Variants in RPGRIP1L observed in about 807,000 individuals in gnomAD.
The protein encoded by RPGRIP1L is RPGRIP1 like.
RPGRIP1L carries 131 observed loss-of-function variants against 160.4 expected under a neutral mutation model. The ratio of observed to expected loss-of-function variants is 0.82; its 90% CI spans 0.71 to 0.94. The LOEUF is 0.94. Ranked by LOEUF, RPGRIP1L falls within the 40% of genes least tolerant of loss-of-function variation. The pLI, the probability that RPGRIP1L is intolerant of heterozygous loss-of-function variation, is 0.00. For synonymous variants in RPGRIP1L, 510 were observed against 515.8 expected (o/e 0.99, Z 0.15); for missense variants, 1,522 against 1,535.8 (o/e 0.99, Z 0.15).
Position 53,686,504 on chromosome 16 carries a change from C to T in RPGRIP1L, c.705G>A (p.Gln235=), listed in dbSNP as rs752815435. The T allele has an allele frequency of 1.9e-6, 3 of 1,613,676 alleles. No individual in the cohort carries two copies. The highest frequency in any genetic ancestry group is 2.5e-6 in the Non-Finnish European group (3 of 1,179,750). Reference sequence around the variant, plus strand: ...CAATTTCATTTTCTTTTCTCCTCAACTGAGTTTTCAGGATCTCAGCCAAGT... The same window carrying T: ...CAATTTCATTTTCTTTTCTCCTCAATTGAGTTTTCAGGATCTCAGCCAAGT... The part of the protein sequence containing the change: ...LEHLAEILKT[Q]LRRKENEIEL... Residue 235 remains glutamine, a synonymous_variant, in exon 6 of 27, where the codon CAG becomes CAA. Transcript: ENST00000647211.
intron 23 of RPGRIP1L, among the ~76,000 whole-genome samples, chr16:53,620,250 T>G (rs1964622357): frequency 6.6e-6 from 1 of 152,302 alleles, no homozygotes; most frequent in Admixed American, 6.5e-5. Context: ...TTGAAAAGCA[T>G]AAGTATCCTA....
intron 22 of RPGRIP1L, among the ~76,000 whole-genome samples, chr16:53,627,884 T>C (rs1364196707): frequency 6.6e-6 from 1 of 152,232 alleles, no homozygotes; most frequent in Non-Finnish European, 1.5e-5. Context: ...AATTATGTTG[T>C]TTACCATTTT....
intron 22 of RPGRIP1L, among the ~76,000 whole-genome samples, chr16:53,630,688 TAGG>T (rs1161076049): frequency 1.3e-5 from 2 of 152,190 alleles, no homozygotes; most frequent in African/African-American, 4.8e-5. Context: ...CAATTTCTAC[TAGG>T]AGAGTATGTC....
At chr16:53,639,273 A>T (rs1170504191) in intron 19 of RPGRIP1L, among the ~76,000 whole-genome samples, 1 of 151,968 alleles carries the variant, frequency 6.6e-6, no homozygotes, top group African/African-American at 2.4e-5. Flanking sequence ...CTCAATGGTA[A>T]TACCTATTAA....
chr16:53,687,853 G>T lies in RPGRIP1L; in HGVS notation c.632+10C>A, dbSNP rs777433512. The stretch of plus-strand genomic sequence containing the variant: ...AAAGTTCTCAAATTACCACAAAAAA[G>T]AACACATACAAATTTCTTATTTCTC... On this transcript the variant is annotated intron_variant, in intron 5 of 26. Transcript: ENST00000647211. The T allele has an allele frequency of 2.0e-6, 3 of 1,511,236 alleles. No individual in the cohort carries two copies. The highest frequency in any genetic ancestry group is 1.7e-4 in the Middle Eastern group (1 of 5,794). The allele number at this position is 1,511,236 out of a possible 1,614,324, so 93.6% of individuals were successfully genotyped here. A position where few individuals can be genotyped will look rare whatever the true frequency, so the allele number is the denominator to read the frequency against.
intron 24 of RPGRIP1L, among the ~76,000 whole-genome samples, chr16:53,614,658 A>G (rs1230543795): frequency 6.6e-6 from 1 of 152,106 alleles, no homozygotes; most frequent in Non-Finnish European, 1.5e-5. Flanking sequence ...GTATTCTAAA[A>G]CCCTAGATGG....
intron 10 of RPGRIP1L, among the ~76,000 whole-genome samples, chr16:53,662,940 T>C (rs1967928419): frequency 6.6e-6 from 1 of 152,000 alleles, no homozygotes; most frequent in Admixed American, 6.6e-5. Flanking sequence ...CCATGGTACA[T>C]ACACACACTG....
At position 53,602,049 on chromosome 16, in the gene RPGRIP1L, T is replaced by G; in HGVS notation, c.*27A>C. The G allele has an allele frequency of 7.7e-7, 1 of 1,294,054 alleles. No homozygotes were observed. Among genetic ancestry groups the G allele is most frequent in the Non-Finnish European group, 1.1e-6 (1 of 891,188 alleles). The allele number at this position is 1,294,054 out of a possible 1,614,324, so 80.2% of individuals were successfully genotyped here. A position where few individuals can be genotyped will look rare whatever the true frequency, so the allele number is the denominator to read the frequency against. On this transcript the variant is annotated 3_prime_UTR_variant, in exon 27 of 27. Transcript: ENST00000647211. ...TTTCATGTGAGCATTTACTGAGGAG[T>G]AGGAGATGCCTCTGGAGCATTTGCT...
chr16:53,678,702 T>C (rs1969385586), intron 6 of RPGRIP1L, among the ~76,000 whole-genome samples: 1 of 152,178 alleles, frequency 6.6e-6, no homozygotes, highest in East Asian at 1.9e-4. Flanking sequence ...GCTATGAGAT[T>C]CGGGGAAGTA....
At chr16:53,672,826 A>G in intron 8 of RPGRIP1L, 44 bp downstream of exon 8, 1 of 1,570,146 alleles carries the variant, frequency 6.4e-7, no homozygotes, top group Non-Finnish European at 8.7e-7. Flanking sequence ...ACAGTTACCA[A>G]GAAGTTGTAA....
At chr16:53,657,971 T>G (rs1967411396) in intron 12 of RPGRIP1L, among the ~76,000 whole-genome samples, 1 of 151,998 alleles carries the variant, frequency 6.6e-6, no homozygotes, top group African/African-American at 2.4e-5. Flanking sequence ...AAAAGAAGTG[T>G]TTTTTTGTGT....
At chr16:53,702,893 A>C (rs1971570541) in intron 1 of RPGRIP1L, among the ~76,000 whole-genome samples, 1 of 152,170 alleles carries the variant, frequency 6.6e-6, no homozygotes, top group Non-Finnish European at 1.5e-5. Context: ...AAAAAGGATA[A>C]ACATCTTGAG....
intron 19 of RPGRIP1L, among the ~76,000 whole-genome samples, chr16:53,639,223 G>A (rs79531735): frequency 0.063 from 9,594 of 151,820 alleles, 459 homozygotes; most frequent in South Asian, 0.15. Flanking sequence ...TATAGGAAAT[G>A]TAAAAGATAA....
chr16:53,640,492 G>A (rs1416612023), intron 19 of RPGRIP1L, among the ~76,000 whole-genome samples: 3 of 152,080 alleles, frequency 2.0e-5, no homozygotes, highest in African/African-American at 4.8e-5. Context: ...GAGGCACGAC[G>A]ATATTTAAAC....
Position 53,692,049 on chromosome 16 carries a change from CGTAAGCTT to C in RPGRIP1L, c.529+9_529+16del, listed in dbSNP as rs1268277818. On this transcript the variant is annotated intron_variant, in intron 4 of 26. Transcript: ENST00000647211. The stretch of plus-strand genomic sequence containing the variant: ...TAATAAGACTTCAGTTTAGATTTAA[CGTAAGCTT>C]TGTTTTACCTTTCCTGGGGCATTCC... 6.2e-7 allele frequency: 1 copy of C among 1,611,774 alleles called. No individual in the cohort carries two copies. Among genetic ancestry groups the C allele is most frequent in the Admixed American group, 1.7e-5 (1 of 59,966 alleles).
In RPGRIP1L at chr16:53,641,131, C is replaced by T. The variant is rs749908163; in HGVS notation, c.2875-15G>A. ...GGTCTTGGTGCCTAAGACAAACCAA[C>T]CAATGTGTCAGACTGAGTATGATGA... On this transcript the variant is annotated splice_polypyrimidine_tract_variant and intron_variant, in intron 18 of 26. Transcript: ENST00000647211. 1.9e-6 allele frequency: 3 copies of T among 1,602,632 alleles called. No homozygotes were observed. The highest frequency in any genetic ancestry group is 2.7e-5 in the African/African-American group (2 of 74,654).
chr16:53,675,481 C>T (rs979897662), intron 6 of RPGRIP1L, among the ~76,000 whole-genome samples: 4 of 151,976 alleles, frequency 2.6e-5, no homozygotes, highest in Admixed American at 1.3e-4. Context: ...GTACCATTAC[C>T]GAACTTCACA....
At chr16:53,627,930 G>A (rs1369303722) in intron 22 of RPGRIP1L, among the ~76,000 whole-genome samples, 2 of 151,940 alleles carry the variant, frequency 1.3e-5, no homozygotes, top group South Asian at 2.1e-4. Context: ...ATCCTTTTAT[G>A]TTACATTGTT....
chr16:53,695,731 G>A, intron 3 of RPGRIP1L: 1 of 374,812 alleles, frequency 2.7e-6, no homozygotes, highest in Non-Finnish European at 4.8e-6. Flanking sequence ...AGACTGAAGT[G>A]ATGTTTTCAT....
Sources: allele counts gnomAD v4.1 joint callset (sites outside exome capture counted in the v4.1 genomes callset), GRCh38; gene constraint gnomAD v4.1.1; transcripts MANE v1.5; gene names NCBI Gene and HGNC (gene_info 2026-07-23, HGNC 2026-07-21).